The following CELA3B variants were observed in gnomAD, a reference collection of about 807,000 sequenced individuals.
The protein encoded by CELA3B is chymotrypsin-like elastase family member 3B.
Under a neutral mutation model 37.2 loss-of-function variants are expected in CELA3B, and 34 were observed. The ratio of observed to expected loss-of-function variants is 0.91; its 90% CI spans 0.70 to 1.22. The LOEUF (loss-of-function observed/expected upper bound fraction) is 1.22, where lower values mean the gene tolerates loss of function less well. Among genes scored for constraint, CELA3B ranks in the 50% most tolerant of loss-of-function variants. The pLI is 0.00. For synonymous variants in CELA3B, 127 were observed against 143.5 expected (o/e 0.89, Z 0.82); for missense variants, 340 against 363.1 (o/e 0.94, Z 0.52).
At chr1:21,980,394 G>A (rs1176753112) in intron 2 of CELA3B, among the ~76,000 whole-genome samples, 3 of 152,138 alleles carry the variant, frequency 2.0e-5, no homozygotes, top group Admixed American at 6.6e-5. Flanking sequence ...CAGGAGAGTC[G>A]CTTGAACCCG....
At chr1:21,991,532 C>T (rs1322316053), downstream of CELA3B, among the ~76,000 whole-genome samples, 2 of 151,122 alleles carry the variant, frequency 1.3e-5, no homozygotes, top group East Asian at 3.9e-4. Context: ...GATGAGGTTT[C>T]ACCATGTTGC....
intron 4 of CELA3B, among the ~76,000 whole-genome samples, chr1:21,995,408 G>T (rs1644886261): frequency 6.6e-6 from 1 of 151,048 alleles, no homozygotes; most frequent in Non-Finnish European, 1.5e-5. Context: ...AAAGTGCTAG[G>T]ATTACAGGCA....
chr1:21,989,697 G>A (rs556041510), downstream of CELA3B, among the ~76,000 whole-genome samples: 9 of 151,174 alleles, frequency 6.0e-5, no homozygotes, highest in East Asian at 1.9e-4. Flanking sequence ...GACCCTGCCA[G>A]CCCCTCAGCA....
chr1:21,983,912 A>G, intron 5 of CELA3B, 82 bp downstream of exon 5: 1 of 1,424,612 alleles, frequency 7.0e-7, no homozygotes, highest in Non-Finnish European at 9.5e-7. Flanking sequence ...AGGTAACACC[A>G]AGACCAGACC....
At chr1:21,997,472 G>A (rs1176370207) in intron 4 of CELA3B, among the ~76,000 whole-genome samples, 1 of 150,300 alleles carries the variant, frequency 6.7e-6, no homozygotes, top group Non-Finnish European at 1.5e-5. Flanking sequence ...TGGATCACCT[G>A]AGGTTAGGAG....
chr1:21,994,148 T>A (rs1314585299), downstream of CELA3B, among the ~76,000 whole-genome samples: 1 of 151,158 alleles, frequency 6.6e-6, no homozygotes, highest in Non-Finnish European at 1.5e-5. Context: ...CTTAGATTTA[T>A]TCCTTGCTGT....
intron 2 of CELA3B, among the ~76,000 whole-genome samples, chr1:21,980,541 C>T (rs115722182): frequency 0.48 from 65,320 of 137,440 alleles, 18,015 homozygotes; most frequent in Middle Eastern, 0.69. Context: ...CAAGGGCTCT[C>T]AAGAAACAGA....
downstream of CELA3B, among the ~76,000 whole-genome samples, chr1:21,992,165 A>T (rs1644871626): frequency 6.6e-6 from 1 of 151,260 alleles, no homozygotes; most frequent in Non-Finnish European, 1.5e-5. Context: ...GGGGGTCCTG[A>T]CACATGTGTA....
chr1:21,982,545 C>G (rs141520507), intron 4 of CELA3B, among the ~76,000 whole-genome samples: 1 of 151,606 alleles, frequency 6.6e-6, no homozygotes, highest in Non-Finnish European at 1.5e-5. Context: ...TGTAGTGAGC[C>G]GAGATCGTGC....
chr1:21,998,243 T>C (rs1381742308), exon 5 of CELA3B: 1 of 465,676 alleles, frequency 2.1e-6, no homozygotes, highest in Non-Finnish European at 4.5e-6. Context: ...CTCTGAGAAG[T>C]CCTGTAGGAA....
intron 4 of CELA3B, among the ~76,000 whole-genome samples, chr1:21,996,697 C>T (rs1213211310): frequency 6.6e-6 from 1 of 150,972 alleles, no homozygotes; most frequent in South Asian, 2.1e-4. Context: ...CCTGTAACAT[C>T]GGGAAGGTAT....
intron 4 of CELA3B, among the ~76,000 whole-genome samples, chr1:21,995,327 C>T (rs935911208): frequency 4.0e-5 from 6 of 150,528 alleles, no homozygotes; most frequent in East Asian, 2.0e-4. Flanking sequence ...TTAGTAAAGA[C>T]GGGGGTTTCA....
intron 6 of CELA3B, among the ~76,000 whole-genome samples, chr1:21,985,611 G>T (rs1328182349): frequency 6.6e-6 from 1 of 151,674 alleles, no homozygotes; most frequent in Non-Finnish European, 1.5e-5. Context: ...AAAAAAAATG[G>T]CCGGGCTTGG....
intron 2 of CELA3B, among the ~76,000 whole-genome samples, chr1:21,979,584 C>G (rs1273356228): frequency 6.6e-6 from 1 of 150,694 alleles, no homozygotes; most frequent in African/African-American, 2.4e-5. Context: ...TCCTGTGTAG[C>G]TAGGACTACA....
In CELA3B at chr1:21,995,034, G is replaced by A. The variant is rs1318189495; in HGVS notation, c.505-3117G>A. Among the ~76,000 whole-genome samples, 9 of 139,008 alleles carry A rather than the reference G, an allele frequency of 6.5e-5. 1 individual carries two copies. The highest frequency in any genetic ancestry group is 2.4e-4 in the African/African-American group (9 of 37,238). 91.2% of individuals were successfully genotyped at this position (139,008 alleles called of 152,430 possible). On this transcript the variant is annotated intron_variant, in intron 4 of 4. Transcript: ENST00000400277. ...AAAAAAAAAAAAAAAAATCCTAATT[G>A]TTTCACTTAGGCAGAGTGTCCTGTT...
chr1:21,991,719 T>C (rs1473204942), downstream of CELA3B, among the ~76,000 whole-genome samples: 3 of 151,236 alleles, frequency 2.0e-5, no homozygotes, highest in Non-Finnish European at 4.4e-5. Context: ...GGCTGGGAAG[T>C]GTAGCCTCCT....
At chr1:21,993,080 A>G (rs1177115415), downstream of CELA3B, among the ~76,000 whole-genome samples, 1 of 151,404 alleles carries the variant, frequency 6.6e-6, no homozygotes, top group Non-Finnish European at 1.5e-5. Flanking sequence ...AGACAGTTAC[A>G]GTCATGCTTT....
At chr1:21,980,987 A>G (rs1284834284) in intron 3 of CELA3B, 51 bp from the exon 4 acceptor site, 1 of 1,614,022 alleles carries the variant, frequency 6.2e-7, no homozygotes. Flanking sequence ...GATGATGGGG[A>G]AGGAGGGAGG....
At chr1:21,997,810 C>T (rs1314311654) in intron 4 of CELA3B, among the ~76,000 whole-genome samples, 1 of 151,172 alleles carries the variant, frequency 6.6e-6, no homozygotes, top group Non-Finnish European at 1.5e-5. Context: ...TAAAATTTGT[C>T]TTCTTTTCCA....
Sources: allele counts gnomAD v4.1 joint callset (sites outside exome capture counted in the v4.1 genomes callset), GRCh38; gene constraint gnomAD v4.1.1; transcripts MANE v1.5; gene names NCBI Gene and HGNC (gene_info 2026-07-23, HGNC 2026-07-21).